PPEF2: variants seen among roughly 807,000 people sequenced by gnomAD.
PPEF2 encodes serine/threonine-protein phosphatase with EF-hands 2.
PPEF2 carries 84 observed loss-of-function variants against 84.7 expected under a neutral mutation model. The ratio of observed to expected loss-of-function variants is 0.99; its 90% confidence interval spans 0.83 to 1.19. PPEF2 has a LOEUF of 1.19. Among genes scored for constraint, PPEF2 ranks in the 50% most tolerant of loss-of-function variants. The pLI, the probability that PPEF2 is intolerant of heterozygous loss-of-function variation, is 0.00. For synonymous variants in PPEF2, 346 were observed against 345.2 expected (o/e 1.00, Z -0.03); for missense variants, 924 against 937.5 (o/e 0.99, Z 0.19).
chr4:75,864,349 G>A, intron 16 of PPEF2, 91 bp downstream of exon 16: 1 of 982,224 alleles, frequency 1.0e-6, no homozygotes, highest in Non-Finnish European at 1.6e-6. Flanking sequence ...CCTGAGTGGA[G>A]ATGAATGAGG....
At position 75,861,855 on chromosome 4, in the gene PPEF2, T is replaced by C. The variant is rs13134331; in HGVS notation, c.2009-935A>G. Among the ~76,000 whole-genome samples the C allele has an allele frequency of 1.7e-3, 231 of 138,570 alleles. No homozygotes were observed. In the Middle Eastern group the frequency reaches 0.05, roughly 30 times the overall value. 90.9% of individuals were successfully genotyped at this position (138,570 alleles called of 152,430 possible). On this transcript the variant is annotated intron_variant, in intron 16 of 16. Coordinates refer to ENST00000286719, the MANE Select transcript of PPEF2 (RefSeq NM_006239.3). Reference sequence around the variant, plus strand: ...CGATCTCCTGACCTCGTGATCCACCTACCTCGGCCTCCCAAAGTGCTGGGA... The same window carrying C: ...CGATCTCCTGACCTCGTGATCCACCCACCTCGGCCTCCCAAAGTGCTGGGA...
At chr4:75,888,498 C>G (rs940372863) in intron 5 of PPEF2, among the ~76,000 whole-genome samples, 170 bp from the exon 6 acceptor site, 9 of 152,208 alleles carry the variant, frequency 5.9e-5, no homozygotes, top group African/African-American at 2.2e-4. Flanking sequence ...TCAACTTCTG[C>G]CCTTGTTTCT....
Position 75,890,046 on chromosome 4 carries a change from C to T in PPEF2, c.328G>A (p.Val110Ile). ...CGTGGCCCCGTGTAACTGTCGGGTACCTCTATGGATTCATAGTCACTGCAT... is the reference window on the plus strand; with the variant it reads ...CGTGGCCCCGTGTAACTGTCGGGTATCTCTATGGATTCATAGTCACTGCAT... The part of the protein sequence containing the change: ...KKCSDYESIE[V>I]PDSYTGPRLS... Residue 110 changes from valine (V) to isoleucine (I), a missense_variant, in exon 5 of 17, where the codon GTA (valine) becomes ATA (isoleucine). By Grantham distance (29) the Val-to-Ile change is conservative. Transcript: ENST00000286719. The T allele has an allele frequency of 1.2e-6, 2 of 1,614,080 alleles. No homozygotes were observed. Among genetic ancestry groups the T allele is most frequent in the South Asian group, 1.1e-5 (1 of 91,080 alleles).
Position 75,876,168 on chromosome 4 carries a change from GTGT to G in PPEF2, c.1320+116_1320+118del, listed in dbSNP as rs1724400339. 2.6e-6 allele frequency: 3 copies of G among 1,158,986 alleles called. No individual in the cohort carries two copies. In the African/African-American group the frequency reaches 6.6e-5, roughly 26 times the overall value. The allele number at this position is 1,158,986 out of a possible 1,614,324, so 71.8% of individuals were successfully genotyped here. A position where few individuals can be genotyped will look rare whatever the true frequency, so the allele number is the denominator to read the frequency against. On this transcript the variant is annotated intron_variant, in intron 11 of 16. Coordinates refer to ENST00000286719, the MANE Select transcript of PPEF2 (RefSeq NM_006239.3). ...AGGCAAATACTAGTGTCCTTCTGGG[GTGT>G]TGTTACCCCAGAAAGAGAAAGAGGG...
intron 13 of PPEF2, among the ~76,000 whole-genome samples, chr4:75,868,866 A>C (rs1724198342): frequency 6.6e-6 from 1 of 151,880 alleles, no homozygotes; most frequent in South Asian, 2.1e-4. Flanking sequence ...AAAATTAGCC[A>C]GGCATGGTGG....
intron 10 of PPEF2, among the ~76,000 whole-genome samples, chr4:75,880,212 A>G (rs972055886): frequency 1.3e-5 from 2 of 152,216 alleles, no homozygotes; most frequent in African/African-American, 4.8e-5. Context: ...ATATGTATTG[A>G]GCCTTTTCCA....
At chr4:75,885,941 G>A (rs1375946405) in intron 7 of PPEF2, among the ~76,000 whole-genome samples, 14 of 152,032 alleles carry the variant, frequency 9.2e-5, no homozygotes, top group South Asian at 4.1e-4. Context: ...CCTGGGACGC[G>A]GAGGTTGCAG....
At chr4:75,866,843 G>T (rs1050814987) in intron 14 of PPEF2, among the ~76,000 whole-genome samples, 2 of 152,162 alleles carry the variant, frequency 1.3e-5, no homozygotes, top group African/African-American at 4.8e-5. Context: ...ATATTACTAT[G>T]AATTCATAAA....
At chr4:75,874,106 T>TCAAA (rs1311529919) in intron 11 of PPEF2, among the ~76,000 whole-genome samples, 6 of 116,684 alleles carry the variant, frequency 5.1e-5, no homozygotes, top group African/African-American at 1.7e-4. Flanking sequence ...AGACTCCACC[T>TCAAA]CAAACAAACA....
chr4:75,882,941 T>G lies in PPEF2; in HGVS notation c.918A>C (p.Lys306Asn). The G allele has an allele frequency of 1.2e-6, 2 of 1,612,550 alleles. No individual in the cohort carries two copies. Among genetic ancestry groups the G allele is most frequent in the Non-Finnish European group, 1.7e-6 (2 of 1,179,456 alleles). The change falls in exon 10 of 17, where the codon AAA (lysine) becomes AAC (asparagine). Residue 306 changes from lysine (K) to asparagine (N), a missense_variant. Lys to Asn is a moderately conservative substitution (Grantham distance 94, BLOSUM62 0). Coordinates refer to ENST00000286719, the MANE Select transcript of PPEF2 (RefSeq NM_006239.3). ...TAACCACTACCTTGCTCCTCTCTAT[T>G]TTGTCCAAAAGCTCCAGATCAGTTA... The part of the protein sequence containing the change: ...SDITDLELLD[K>N]IERSKIVSTM...
chr4:75,862,850 G>T (rs151123914), intron 16 of PPEF2, among the ~76,000 whole-genome samples: 161 of 152,284 alleles, frequency 1.1e-3, no homozygotes, highest in Non-Finnish European at 2.0e-3. Context: ...AGTCACACAT[G>T]AATGTTCATA....
At chr4:75,876,189 A>AGAGG (rs397796783) in intron 11 of PPEF2, 98 bp downstream of exon 11, 1 of 1,452,522 alleles carries the variant, frequency 6.9e-7, no homozygotes, top group Non-Finnish European at 9.2e-7. Flanking sequence ...CCAGAAAGAG[A>AGAGG]AAGAGGGGCC....
At chr4:75,890,158 A>G (rs1446840598) in intron 4 of PPEF2, 26 bp from the exon 5 acceptor site, 1 of 1,611,632 alleles carries the variant, frequency 6.2e-7, no homozygotes, top group African/African-American at 1.3e-5. Flanking sequence ...AAGGTGGATC[A>G]GCTTATGATC....
intron 10 of PPEF2, among the ~76,000 whole-genome samples, chr4:75,879,699 A>C (rs532832630): frequency 9.2e-5 from 14 of 152,294 alleles, no homozygotes; most frequent in African/African-American, 2.6e-4. Context: ...ATGACTTAAT[A>C]TTTATATTTT....
At chr4:75,875,808 G>A (rs548917127) in intron 11 of PPEF2, among the ~76,000 whole-genome samples, 7 of 152,116 alleles carry the variant, frequency 4.6e-5, no homozygotes, top group South Asian at 4.1e-4. Context: ...ACAGAACTGC[G>A]GGTTTGGGGT....
At chr4:75,865,988 G>C (rs1201694141) in intron 15 of PPEF2, among the ~76,000 whole-genome samples, 3 of 152,072 alleles carry the variant, frequency 2.0e-5, no homozygotes, top group African/African-American at 4.8e-5. Context: ...TTCTTGGAGT[G>C]GTTTTGAGGA....
intron 10 of PPEF2, among the ~76,000 whole-genome samples, chr4:75,877,038 G>GA (rs376048460): frequency 2.1e-5 from 3 of 140,302 alleles, no homozygotes; most frequent in Admixed American, 1.4e-4. Context: ...AAGAAAGAAA[G>GA]AAAAGAAACA....
At chr4:75,891,604 G>A (rs1350765411) in intron 4 of PPEF2, 44 bp downstream of exon 4, 2 of 1,561,150 alleles carry the variant, frequency 1.3e-6, no homozygotes, top group Non-Finnish European at 1.7e-6. Flanking sequence ...TGTAATCTAT[G>A]GCCTTGCGAC....
chr4:75,885,123 C>T (rs1295987256), intron 7 of PPEF2, among the ~76,000 whole-genome samples: 1 of 152,056 alleles, frequency 6.6e-6, no homozygotes, highest in African/African-American at 2.4e-5. Context: ...CAAGATAATG[C>T]ATGGGAAAAT....
Sources: gnomAD v4.1 joint callset for allele counts (sites outside exome capture counted in the v4.1 genomes callset) on GRCh38, gnomAD v4.1.1 for gene constraint, MANE v1.5 for transcripts, NCBI Gene and HGNC (gene_info 2026-07-23, HGNC 2026-07-21) for gene names.